CNOT6L: variants seen among roughly 807,000 people sequenced by gnomAD.
CNOT6L encodes CCR4-NOT transcription complex subunit 6 like.
In CNOT6L, 7 loss-of-function variants were observed where a neutral mutation model predicts 64.0. That is an observed-to-expected ratio of 0.11 (90% CI 0.06 to 0.21). The LOEUF (loss-of-function observed/expected upper bound fraction) is 0.21, where lower values mean the gene tolerates loss of function less well. Among genes scored for constraint, CNOT6L ranks in the 10% least tolerant of loss-of-function variants. CNOT6L has a pLI of 1.00. For synonymous variants in CNOT6L, 193 were observed against 243.4 expected (o/e 0.79, Z 1.93); for missense variants, 245 against 669.0 (o/e 0.37, Z 6.99).
At chr4:77,772,718 C>T (rs570584897) in intron 4 of CNOT6L, among the ~76,000 whole-genome samples, 2 of 151,926 alleles carry the variant, frequency 1.3e-5, no homozygotes, top group Non-Finnish European at 2.9e-5. Flanking sequence ...GTCAGGAGAT[C>T]GAGACCATCC....
intron 4 of CNOT6L, among the ~76,000 whole-genome samples, chr4:77,770,612 C>T (rs1013451409): frequency 2.5e-5 from 1 of 39,614 alleles, no homozygotes; most frequent in Non-Finnish European, 7.2e-5. Flanking sequence ...CATATAGGTA[C>T]TTACAACAAA....
At chr4:77,813,231 T>C (rs930721920) in intron 1 of CNOT6L, among the ~76,000 whole-genome samples, 1 of 152,196 alleles carries the variant, frequency 6.6e-6, no homozygotes. Context: ...GAGTTAAGGC[T>C]ATAAAACTCT....
At chr4:77,730,803 A>G (rs533083851) in intron 9 of CNOT6L, among the ~76,000 whole-genome samples, 1 of 152,258 alleles carries the variant, frequency 6.6e-6, no homozygotes, top group Non-Finnish European at 1.5e-5. Context: ...CTTAAAATGT[A>G]CTAGTAAACA....
At chr4:77,721,312 T>C (rs1287992675) in intron 11 of CNOT6L, among the ~76,000 whole-genome samples, 1 of 152,198 alleles carries the variant, frequency 6.6e-6, no homozygotes. Context: ...CATAGCAGTT[T>C]TATCTGTCAG....
chr4:77,793,419 T>C (rs1232756357), intron 1 of CNOT6L, among the ~76,000 whole-genome samples: 1 of 152,214 alleles, frequency 6.6e-6, no homozygotes, highest in East Asian at 1.9e-4. Context: ...ACTTTTAAGT[T>C]GGAGGTGCTT....
intron 5 of CNOT6L, among the ~76,000 whole-genome samples, chr4:77,749,639 G>A (rs1298738202): frequency 2.0e-5 from 3 of 152,076 alleles, no homozygotes; most frequent in South Asian, 4.1e-4. Context: ...AATATCCAAA[G>A]AGCCAAAAAC....
At position 77,716,799 on chromosome 4, in the gene CNOT6L, T is replaced by C. The variant is rs1464969390; in HGVS notation, c.*3632A>G. 2 of 152,580 alleles carry C rather than the reference T, an allele frequency of 1.3e-5. No individual in the cohort carries two copies. Among genetic ancestry groups the C allele is most frequent in the Non-Finnish European group, 2.9e-5 (2 of 68,010 alleles). 9.5% of individuals were successfully genotyped at this position (152,580 alleles called of 1,614,324 possible). A position where few individuals can be genotyped will look rare whatever the true frequency, so the allele number is the denominator to read the frequency against. On this transcript the variant is annotated 3_prime_UTR_variant, in exon 12 of 12. Transcript: ENST00000504123. ...CCAACTACACTAAAACACAGTGGCT[T>C]CTTTAATACATTCACACAGGATGCT...
At position 77,720,656 on chromosome 4, in the gene CNOT6L, T is replaced by G. The variant is rs758231385; in HGVS notation, c.1456-13A>C. On this transcript the variant is annotated splice_polypyrimidine_tract_variant and intron_variant, in intron 11 of 11. Coordinates refer to ENST00000504123, the MANE Select transcript of CNOT6L (RefSeq NM_144571.3). ...AGTCAATCACGCCCTGGAAAGAGAT[T>G]GGGAATAGGAAAAAAAGAAAAATTC... 2 of 1,611,966 alleles carry G rather than the reference T, an allele frequency of 1.2e-6. No homozygotes were observed. The highest frequency in any genetic ancestry group is 3.3e-5 in the Admixed American group (2 of 59,796).
chr4:77,764,910 C>CA (rs1173726787), intron 4 of CNOT6L, among the ~76,000 whole-genome samples: 1 of 152,114 alleles, frequency 6.6e-6, no homozygotes, highest in African/African-American at 2.4e-5. Flanking sequence ...AGAGAAATGT[C>CA]AGAGTTCTCT....
chr4:77,737,406 C>CTTTTTTTTTTTTTTTTTTTTTT (rs56952956), intron 8 of CNOT6L, among the ~76,000 whole-genome samples: 1 of 82,374 alleles, frequency 1.2e-5, no homozygotes, highest in African/African-American at 4.7e-5. Flanking sequence ...TTGTACCGTT[C>CTTTTTTTTTTTTTTTTTTTTTT]TTTTTTTTTT....
chr4:77,722,445 C>A (rs1043076791), intron 11 of CNOT6L, among the ~76,000 whole-genome samples: 2 of 152,094 alleles, frequency 1.3e-5, no homozygotes, highest in African/African-American at 4.8e-5. Flanking sequence ...CACCTGTAGT[C>A]CCAGCTCCTA....
At chr4:77,797,548 T>C (rs1283358310) in intron 1 of CNOT6L, among the ~76,000 whole-genome samples, 2 of 152,170 alleles carry the variant, frequency 1.3e-5, no homozygotes, top group Non-Finnish European at 2.9e-5. Flanking sequence ...TAAGAAACCC[T>C]TATTTTACTT....
intron 10 of CNOT6L, among the ~76,000 whole-genome samples, chr4:77,728,644 G>C (rs978116114): frequency 2.0e-5 from 3 of 152,150 alleles, no homozygotes; most frequent in Non-Finnish European, 4.4e-5. Flanking sequence ...GCAGAGTACT[G>C]CATCATTTAT....
Position 77,815,551 on chromosome 4 carries a change from A to G in CNOT6L, c.5+3753T>C, listed in dbSNP as rs1733476884. Among the ~76,000 whole-genome samples the G allele has an allele frequency of 2.0e-5, 3 of 152,194 alleles. 1 individual carries two copies. The South Asian group carries it at 6.2e-4, about 31-fold the overall frequency. On this transcript the variant is annotated intron_variant, in intron 1 of 11. Coordinates refer to ENST00000504123, the MANE Select transcript of CNOT6L (RefSeq NM_144571.3). Reference sequence around the variant, plus strand: ...TAATTCACCTTTTGGATGTAATTTCATAAATATATGCTAACATCTAAAATA... The same window carrying G: ...TAATTCACCTTTTGGATGTAATTTCGTAAATATATGCTAACATCTAAAATA...
intron 8 of CNOT6L, among the ~76,000 whole-genome samples, chr4:77,732,359 TATTA>T (rs1177613354): frequency 6.6e-6 from 1 of 152,148 alleles, no homozygotes; most frequent in Non-Finnish European, 1.5e-5. Flanking sequence ...AGTCTAATTT[TATTA>T]ATTTGTGAAA....
intron 1 of CNOT6L, chr4:77,819,101 G>C (rs1302736842): frequency 8.1e-6 from 6 of 738,140 alleles, no homozygotes; most frequent in Non-Finnish European, 1.3e-5. Flanking sequence ...CGCCTCTGAA[G>C]AGACGCGGGT....
intron 8 of CNOT6L, among the ~76,000 whole-genome samples, chr4:77,738,839 G>GT (rs1723266759): frequency 6.6e-6 from 1 of 151,322 alleles, no homozygotes; most frequent in African/African-American, 2.4e-5. Flanking sequence ...ATGTATGAAT[G>GT]TATTTTATAA....
rs1246213935 is a variant in CNOT6L at position 77,797,759 on chromosome 4, A to G, written c.6-21367T>C. Reference sequence around the variant, plus strand: ...TGACATTGTGAAGAAGGAAACAGAAATTCATGTGGTAACTGCAGTTTTAGG... The same window carrying G: ...TGACATTGTGAAGAAGGAAACAGAAGTTCATGTGGTAACTGCAGTTTTAGG... On this transcript the variant is annotated intron_variant, in intron 1 of 11. Coordinates refer to ENST00000504123, the MANE Select transcript of CNOT6L (RefSeq NM_144571.3). Among the ~76,000 whole-genome samples, 4 of 152,252 alleles carry G rather than the reference A, an allele frequency of 2.6e-5. No homozygotes were observed. In the East Asian group the frequency reaches 7.7e-4, roughly 29 times the overall value.
chr4:77,760,270 C>T (rs1020441406), intron 4 of CNOT6L, among the ~76,000 whole-genome samples: 3 of 151,954 alleles, frequency 2.0e-5, no homozygotes, highest in Non-Finnish European at 2.9e-5. Flanking sequence ...CAGCTACTCA[C>T]GAGGCTGAAC....
Sources: gnomAD v4.1 joint callset for allele counts (sites outside exome capture counted in the v4.1 genomes callset) on GRCh38, gnomAD v4.1.1 for gene constraint, MANE v1.5 for transcripts, NCBI Gene and HGNC (gene_info 2026-07-23, HGNC 2026-07-21) for gene names.